DENND2B: variants seen among roughly 807,000 people sequenced by gnomAD.
DENND2B encodes DENN domain-containing protein 2B.
Under a neutral mutation model 116.0 loss-of-function variants are expected in DENND2B, and 32 were observed. The observed-to-expected ratio is 0.28, with a 90% CI of 0.21 to 0.37. DENND2B has a LOEUF of 0.37. DENND2B is among the 10% of genes least tolerant of loss of function. The pLI is 1.00. For synonymous variants in DENND2B, 588 were observed against 583.9 expected, an observed-to-expected ratio of 1.01 and a Z score of -0.10; for missense variants, 1,276 against 1,477.7, an observed-to-expected ratio of 0.86 and a Z score of 2.24.
chr11:8,788,964 C>T (rs1023723659), intron 1 of DENND2B, among the ~76,000 whole-genome samples: 2 of 152,226 alleles, frequency 1.3e-5, no homozygotes, highest in Admixed American at 6.5e-5. Context: ...GGATCCATCT[C>T]AAATCCACAG....
upstream of DENND2B, among the ~76,000 whole-genome samples, chr11:8,875,220 G>A (rs1223390392): frequency 6.6e-6 from 1 of 151,726 alleles, no homozygotes; most frequent in African/African-American, 2.4e-5. Flanking sequence ...CTACTTGGGA[G>A]GCTGAGGCAG....
chr11:8,882,585 G>A (rs567244778), intron 1 of DENND2B, among the ~76,000 whole-genome samples: 2 of 152,282 alleles, frequency 1.3e-5, no homozygotes. Flanking sequence ...ATAAATATTT[G>A]ACTATGTAAT....
chr11:8,822,759 G>T (rs1282514586), intron 4 of DENND2B, among the ~76,000 whole-genome samples: 1 of 152,160 alleles, frequency 6.6e-6, no homozygotes, highest in East Asian at 1.9e-4. Context: ...CCAAGCTATT[G>T]TTCATTCCCT....
At chr11:8,895,489 C>G (rs534622232) in intron 1 of DENND2B, 4 of 152,086 alleles carry the variant, frequency 2.6e-5, no homozygotes, top group African/African-American at 9.6e-5. Context: ...AAGCCAGTCA[C>G]GAGAAGAAAA....
At chr11:8,873,464 A>C (rs930802443), upstream of DENND2B, among the ~76,000 whole-genome samples, 2 of 152,278 alleles carry the variant, frequency 1.3e-5, no homozygotes, top group African/African-American at 4.8e-5. Context: ...AATTGTCTAA[A>C]TATAGTCTAA....
At chr11:8,718,435 G>A (rs545776416) in intron 4 of DENND2B, 75 of 1,523,512 alleles carry the variant, frequency 4.9e-5, no homozygotes, top group Middle Eastern at 3.4e-4. Flanking sequence ...CACCTACGAT[G>A]CCGTTCAACA....
chr11:8,805,035 A>G (rs893644162), intron 1 of DENND2B, among the ~76,000 whole-genome samples: 1 of 152,106 alleles, frequency 6.6e-6, no homozygotes, highest in African/African-American at 2.4e-5. Context: ...CCTTACCACA[A>G]CTCTATCAAG....
In DENND2B at chr11:8,729,986, T is replaced by C. The variant is rs1177905718; in HGVS notation, c.1304A>G (p.Lys435Arg). The change falls in exon 3 of 20, where the codon AAG becomes AGG. Residue 435 changes from lysine (K) to arginine (R), a missense_variant. Physicochemically the swap from Lys to Arg is conservative, Grantham distance 26. Transcript: ENST00000313726. ...CTTGCGGTGACCACGCATGTCCTTCTTGGGTCTCCGGGTGACTGGCGGGGC... is the reference window on the plus strand; with the variant it reads ...CTTGCGGTGACCACGCATGTCCTTCCTGGGTCTCCGGGTGACTGGCGGGGC... ...TPAPPVTRRPKKDMRGHRKSQ... is the reference protein window; with the variant it reads ...TPAPPVTRRPRKDMRGHRKSQ... 1 of 1,614,150 alleles carries C rather than the reference T, an allele frequency of 6.2e-7. No homozygotes were observed. The highest frequency in any genetic ancestry group is 1.7e-5 in the Admixed American group (1 of 60,018).
intron 4 of DENND2B, among the ~76,000 whole-genome samples, chr11:8,816,740 C>A (rs1162933869): frequency 6.6e-6 from 1 of 152,136 alleles, no homozygotes; most frequent in African/African-American, 2.4e-5. Flanking sequence ...CAGGCTGGAG[C>A]CCAGTCCTGG....
intron 1 of DENND2B, among the ~76,000 whole-genome samples, chr11:8,901,592 C>A (rs1259581303): frequency 2.6e-5 from 4 of 152,176 alleles, no homozygotes; most frequent in Non-Finnish European, 4.4e-5. Context: ...CTAATATAGA[C>A]ATCTAAAGCT....
intron 2 of DENND2B, among the ~76,000 whole-genome samples, chr11:8,741,120 A>C (rs572468957): frequency 1.3e-5 from 2 of 152,192 alleles, no homozygotes; most frequent in African/African-American, 4.8e-5. Context: ...TCAGCCCCCA[A>C]CTGGGGCTAT....
At chr11:8,841,322 G>GAAACAAAC (rs957013833) in intron 3 of DENND2B, among the ~76,000 whole-genome samples, 1 of 151,952 alleles carries the variant, frequency 6.6e-6, no homozygotes, top group South Asian at 2.1e-4. Context: ...TCCAAATTAA[G>GAAACAAAC]AAACAAACAA....
rs2044003816 is a variant in DENND2B at position 8,712,817 on chromosome 11, C to T, written c.1988-82G>A. 7.1e-7 allele frequency: 1 copy of T among 1,416,922 alleles called. No homozygotes were observed. The highest frequency in any genetic ancestry group is 1.4e-5 in the African/African-American group (1 of 70,624). 87.8% of individuals were successfully genotyped at this position (1,416,922 alleles called of 1,614,324 possible). On this transcript the variant is annotated intron_variant, in intron 8 of 19. Transcript: ENST00000313726. This position sits in a 1 kb window ranked among gnomAD's most constrained non-coding sequence, Gnocchi z 4.4. ...CTACCCCTGGCTCAGGGCTCCATTG[C>T]TGTGGAGCACTTTTAAGTACGTGAG...
chr11:8,814,747 A>T (rs895544418), upstream of DENND2B, among the ~76,000 whole-genome samples: 1 of 152,188 alleles, frequency 6.6e-6, no homozygotes, highest in Non-Finnish European at 1.5e-5. Context: ...CTAACCACCA[A>T]TATTCCCTGC....
chr11:8,715,200 T>C (rs990110704), intron 6 of DENND2B, among the ~76,000 whole-genome samples: 1 of 152,198 alleles, frequency 6.6e-6, no homozygotes, highest in South Asian at 2.1e-4. Context: ...GGCTGGGGAT[T>C]TGGGCCTGGC....
chr11:8,834,300 C>T (rs560566337), intron 4 of DENND2B, among the ~76,000 whole-genome samples: 1 of 152,334 alleles, frequency 6.6e-6, no homozygotes, highest in African/African-American at 2.4e-5. Context: ...AGATTAGCAG[C>T]ATATGCGTCC....
In DENND2B at chr11:8,712,794, A is replaced by G; in HGVS notation, c.1988-59T>C. 1 of 1,524,464 alleles carries G rather than the reference A, an allele frequency of 6.6e-7. No homozygotes were observed. The highest frequency in any genetic ancestry group is 8.8e-7 in the Non-Finnish European group (1 of 1,134,848). The allele number at this position is 1,524,464 out of a possible 1,614,324, so 94.4% of individuals were successfully genotyped here. On this transcript the variant is annotated intron_variant, in intron 8 of 19. Transcript: ENST00000313726. The surrounding 1 kb of genome is among the most constrained non-coding windows in gnomAD (Gnocchi z 4.4). Reference sequence around the variant, plus strand: ...TCACAGGCCTCATGTTAACTCCTCTACCCCTGGCTCAGGGCTCCATTGCTG... The same window carrying G: ...TCACAGGCCTCATGTTAACTCCTCTGCCCCTGGCTCAGGGCTCCATTGCTG...
At chr11:8,743,731 G>C (rs1312742305) in intron 2 of DENND2B, among the ~76,000 whole-genome samples, 12 of 151,686 alleles carry the variant, frequency 7.9e-5, no homozygotes, top group Admixed American at 7.9e-4. Context: ...CCAAATCGAA[G>C]TGGAGAGGGG....
Position 8,777,527 on chromosome 11 carries a change from A to T in DENND2B, c.-25-26802T>A, listed in dbSNP as rs567655678. On this transcript the variant is annotated intron_variant, in intron 1 of 19. Transcript: ENST00000313726. Reference sequence around the variant, plus strand: ...TGGACATTCCTTAGGCCTGTCACATATGGTCCAAGAAAGCAGTAAGATGGA... The same window carrying T: ...TGGACATTCCTTAGGCCTGTCACATTTGGTCCAAGAAAGCAGTAAGATGGA... 3.2e-4 allele frequency among the ~76,000 whole-genome samples: 49 copies of T among 152,316 alleles called. 1 individual carries two copies. The Middle Eastern group carries it at 0.01, about 32-fold the overall frequency.
Sources: gnomAD v4.1 joint callset for allele counts (sites outside exome capture counted in the v4.1 genomes callset) on GRCh38, gnomAD v4.1.1 for gene constraint, Gnocchi (gnomAD v3.1) non-coding constraint, MANE v1.5 for transcripts, NCBI Gene and HGNC (gene_info 2026-07-23, HGNC 2026-07-21) for gene names.